The following CRELD1 variants were observed in gnomAD, a reference collection of about 807,000 sequenced individuals.
The protein encoded by CRELD1 is CRELD disulfide isomerase 1.
Under a neutral mutation model 58.2 loss-of-function variants are expected in CRELD1, and 42 were observed. The ratio of observed to expected loss-of-function variants is 0.72; its 90% CI spans 0.56 to 0.93. CRELD1 has a LOEUF of 0.93. Ranked by LOEUF, CRELD1 falls within the 40% of genes least tolerant of loss-of-function variation. The pLI, the probability that CRELD1 is intolerant of heterozygous loss-of-function variation, is 0.00. For missense variants in CRELD1, 500 were observed against 540.6 expected, an observed-to-expected ratio of 0.92 and a Z score of 0.74; for synonymous variants, 222 against 202.0, an observed-to-expected ratio of 1.10 and a Z score of -0.84.
intron 3 of CRELD1, among the ~76,000 whole-genome samples, chr3:9,936,491 A>G (rs959962402): frequency 2.4e-4 from 36 of 151,288 alleles, no homozygotes; most frequent in African/African-American, 5.8e-4. Context: ...GTATATATAT[A>G]TGTGTGTGTA....
chr3:9,934,791 G>T, intron 2 of CRELD1, 44 bp from the exon 3 acceptor site: 10 of 1,569,260 alleles, frequency 6.4e-6, no homozygotes, highest in Non-Finnish European at 8.7e-6. Context: ...GTGCTAGCAT[G>T]TGCCAGGCAC....
rs754977243 is a variant in CRELD1, at chr3:9,934,520, T to G, written c.82T>G (p.Trp28Gly). 1 of 1,614,014 alleles carries G rather than the reference T, an allele frequency of 6.2e-7. No homozygotes were observed. Among genetic ancestry groups the G allele is most frequent in the African/African-American group, 1.3e-5 (1 of 75,034 alleles). ...CTTCCTCAACCTCCCAGGACCTATC[T>G]GGCTCCAGCCCTCTCCACCTCCCCA... The part of the protein sequence containing the change: ...SLFLNLPGPI[W>G]LQPSPPPQSS... Residue 28 changes from tryptophan to glycine, a missense_variant, in exon 2 of 11, where the codon TGG (tryptophan) becomes GGG (glycine). Physicochemically the swap from Trp to Gly is radical, Grantham distance 184. Transcript: ENST00000452070.
chr3:9,939,021 A>C (rs901968856), intron 5 of CRELD1, among the ~76,000 whole-genome samples: 1 of 151,798 alleles, frequency 6.6e-6, no homozygotes, highest in South Asian at 2.1e-4. Flanking sequence ...GGGGCATGGT[A>C]GTGCAGCCTG....
rs1401892522 is a variant in CRELD1, at chr3:9,945,089, C to T, written c.*510C>T. ...CCACCTTAGGGAAATGTCCTAGAAT[C>T]CTGGGAAATTGAGGGCTTCTTTGAT... On this transcript the variant is annotated 3_prime_UTR_variant, in exon 11 of 11. Transcript: ENST00000452070. The T allele has an allele frequency of 5.3e-6, 1 of 189,630 alleles. No individual in the cohort carries two copies. Among genetic ancestry groups the T allele is most frequent in the African/African-American group, 2.3e-5 (1 of 42,744 alleles). 11.7% of individuals were successfully genotyped at this position (189,630 alleles called of 1,614,324 possible).
intron 4 of CRELD1, 73 bp from the exon 5 acceptor site, chr3:9,937,942 G>A: frequency 9.1e-7 from 1 of 1,095,242 alleles, no homozygotes; most frequent in Non-Finnish European, 1.4e-6. Context: ...CAGGCATGGG[G>A]GAATGGGAAC....
intron 5 of CRELD1, among the ~76,000 whole-genome samples, chr3:9,940,110 C>T (rs1482498303): frequency 4.2e-5 from 6 of 143,856 alleles, no homozygotes; most frequent in Non-Finnish European, 6.1e-5. Context: ...CAGACGGGGT[C>T]GCGGCCGGGC....
At chr3:9,944,162 C>A in intron 10 of CRELD1, 1 of 789,274 alleles carries the variant, frequency 1.3e-6, no homozygotes, top group Non-Finnish European at 2.3e-6. Context: ...CTTTACCTCT[C>A]TGAGCCTCAC....
At position 9,933,847 on chromosome 3, in the gene CRELD1, G is replaced by T. The variant is rs970379408; in HGVS notation, c.-93G>T. On this transcript the variant is annotated 5_prime_UTR_variant, in exon 1 of 11. Transcript: ENST00000452070. ...TGCGTTTTACGCAGGCTGTGGCAGC[G>T]ACGCGGTGAGGAGACGGCCCACGGC... 1.9e-6 allele frequency: 1 copy of T among 521,588 alleles called. No individual in the cohort carries two copies. Among genetic ancestry groups the T allele is most frequent in the Non-Finnish European group, 3.4e-6 (1 of 296,150 alleles). The allele number at this position is 521,588 out of a possible 1,614,324, so 32.3% of individuals were successfully genotyped here. A position where few individuals can be genotyped will look rare whatever the true frequency, so the allele number is the denominator to read the frequency against.
chr3:9,941,030 G>C lies in CRELD1; in HGVS notation c.637+4G>C. The C allele has an allele frequency of 1.2e-6, 2 of 1,614,216 alleles. No individual in the cohort carries two copies. Among genetic ancestry groups the C allele is most frequent in the Non-Finnish European group, 1.7e-6 (2 of 1,180,038 alleles). On this transcript the variant is annotated splice_donor_region_variant and intron_variant, in intron 6 of 10. Coordinates refer to ENST00000452070, the MANE Select transcript of CRELD1 (RefSeq NM_001077415.3). ...GCCAGCCATCTGGTATGTTCGGGTAGGTAGCCAAAAGGTGTGGCACTGGGC... is the reference window on the plus strand; with the variant it reads ...GCCAGCCATCTGGTATGTTCGGGTACGTAGCCAAAAGGTGTGGCACTGGGC...
chr3:9,941,017 G>A lies in CRELD1; in HGVS notation c.628G>A (p.Val210Ile). The change falls in exon 6 of 11, where the codon GTA (valine) becomes ATA (isoleucine). Residue 210 changes from valine (V) to isoleucine (I), a missense_variant. Val to Ile is a conservative substitution (Grantham distance 29). Coordinates refer to ENST00000452070, the MANE Select transcript of CRELD1 (RefSeq NM_001077415.3). The stretch of plus-strand genomic sequence containing the variant: ...GGCAGAACGCAACGCCAGCCATCTG[G>A]TATGTTCGGGTAGGTAGCCAAAAGG... ...FEAERNASHLVCSACFGPCAR... is the reference protein window; with the variant it reads ...FEAERNASHLICSACFGPCAR... The A allele has an allele frequency of 6.2e-7, 1 of 1,614,222 alleles. No individual in the cohort carries two copies. Among genetic ancestry groups the A allele is most frequent in the Non-Finnish European group, 8.5e-7 (1 of 1,180,038 alleles).
At chr3:9,938,809 G>A (rs940107573) in intron 5 of CRELD1, among the ~76,000 whole-genome samples, 1 of 151,784 alleles carries the variant, frequency 6.6e-6, no homozygotes, top group Admixed American at 6.6e-5. Context: ...GCAGTGAGCC[G>A]AGATCATGCC....
Position 9,940,966 on chromosome 3 carries a change from G to C in CRELD1, c.577G>C (p.Gly193Arg). The C allele has an allele frequency of 6.2e-7, 1 of 1,614,172 alleles. No individual in the cohort carries two copies. The highest frequency in any genetic ancestry group is 1.1e-5 in the South Asian group (1 of 91,084). The change falls in exon 6 of 11, where the codon GGC becomes CGC. Residue 193 changes from glycine (G) to arginine (R), a missense_variant. Transcript: ENST00000452070. ...AGCCGGCTACGGGGGTGAGGCCTGT[G>C]GCCAGTGTGGCCTTGGCTACTTTGA... The part of the protein sequence containing the change: ...CQAGYGGEAC[G>R]QCGLGYFEAE...
Position 9,944,419 on chromosome 3 carries a change from A to G in CRELD1, c.1103A>G (p.Gln368Arg). 1.2e-6 allele frequency: 2 copies of G among 1,614,128 alleles called. No homozygotes were observed. The highest frequency in any genetic ancestry group is 1.7e-6 in the Non-Finnish European group (2 of 1,180,032). Residue 368 changes from glutamine (Q) to arginine (R), a missense_variant, in exon 11 of 11, where the codon CAG becomes CGG. Transcript: ENST00000452070. ...MTEDELVVLQ[Q>R]MFFGIIICAL... ...GAAGACGAGTTGGTGGTGCTGCAGC[A>G]GATGTTCTTTGGCATCATCATCTGT...
chr3:9,934,295 A>C, intron 1 of CRELD1, 125 bp from the exon 2 acceptor site: 5 of 733,634 alleles, frequency 6.8e-6, no homozygotes, highest in African/African-American at 1.7e-5. Flanking sequence ...TGCAATACCC[A>C]GTTTGGCCTC....
At chr3:9,937,180 G>A (rs926089552) in intron 3 of CRELD1, among the ~76,000 whole-genome samples, 2 of 152,150 alleles carry the variant, frequency 1.3e-5, no homozygotes, top group Non-Finnish European at 2.9e-5. Context: ...AGTGTGGGAG[G>A]ATTCTAATTT....
At chr3:9,937,420 C>T (rs1410193625) in intron 3 of CRELD1, 142 bp from the exon 4 acceptor site, 5 of 674,198 alleles carry the variant, frequency 7.4e-6, no homozygotes, top group Middle Eastern at 3.9e-4. Context: ...CTCTCTGCTT[C>T]CCAGAACCAT....
At chr3:9,940,453 T>G (rs1179895059) in intron 5 of CRELD1, among the ~76,000 whole-genome samples, 16 of 151,722 alleles carry the variant, frequency 1.1e-4, no homozygotes, top group East Asian at 3.9e-4. Flanking sequence ...ATCACTCGCG[T>G]TTAGGAGCTG....
At chr3:9,943,254 G>A (rs544520546) in intron 9 of CRELD1, 82 bp downstream of exon 9, 2 of 1,591,382 alleles carry the variant, frequency 1.3e-6, no homozygotes, top group East Asian at 4.5e-5. Context: ...ATATGGGCAG[G>A]TGGGGGAAGG....
rs2085424489 is a variant in CRELD1, at chr3:9,943,402, A to G, written c.935A>G (p.Glu312Gly). ...CAAGATGTGGATGAGTGTGAGACAG[A>G]GGTGTGTCCGGGAGAGAACAAGCAG... ...KCLDVDECETEVCPGENKQCE... is the reference protein window; with the variant it reads ...KCLDVDECETGVCPGENKQCE... Residue 312 changes from glutamate to glycine, a missense_variant, in exon 10 of 11, where the codon GAG becomes GGG. Transcript: ENST00000452070. 1 of 1,613,728 alleles carries G rather than the reference A, an allele frequency of 6.2e-7. No homozygotes were observed. The highest frequency in any genetic ancestry group is 1.3e-5 in the African/African-American group (1 of 74,806).
Sources: allele counts gnomAD v4.1 joint callset (sites outside exome capture counted in the v4.1 genomes callset), GRCh38; gene constraint gnomAD v4.1.1; transcripts MANE v1.5; gene names NCBI Gene and HGNC (gene_info 2026-07-23, HGNC 2026-07-21).